The following TRAPPC9 variants were observed in gnomAD, a reference collection of about 807,000 sequenced individuals.
The protein encoded by TRAPPC9 is trafficking protein particle complex subunit 9, also known as IKK2 binding protein.
TRAPPC9 carries 83 observed loss-of-function variants against 124.0 expected under a neutral mutation model. That is an observed-to-expected ratio of 0.67 (90% CI 0.56 to 0.80). TRAPPC9 has a LOEUF of 0.80. TRAPPC9 is among the 30% of genes least tolerant of loss of function. The pLI is 0.00. For missense variants in TRAPPC9, 1,302 were observed against 1,508.3 expected (o/e 0.86, Z 2.27); for synonymous variants, 638 against 617.5 (o/e 1.03, Z -0.49).
At chr8:140,024,793 C>T (rs1027491192) in intron 17 of TRAPPC9, among the ~76,000 whole-genome samples, 6 of 151,030 alleles carry the variant, frequency 4.0e-5, no homozygotes, top group Non-Finnish European at 8.8e-5. Context: ...AAACACATTT[C>T]TATGAGCATC....
chr8:140,145,819 C>A (rs1415819637), intron 17 of TRAPPC9, among the ~76,000 whole-genome samples: 1 of 151,688 alleles, frequency 6.6e-6, no homozygotes, highest in Non-Finnish European at 1.5e-5. Context: ...TTTCATGAAA[C>A]GTTTACCTCA....
chr8:139,925,817 A>C (rs1427789371), intron 19 of TRAPPC9, among the ~76,000 whole-genome samples: 1 of 92,070 alleles, frequency 1.1e-5, no homozygotes, highest in East Asian at 3.3e-4. Context: ...ACGCACACGC[A>C]CACGCACACG....
intron 21 of TRAPPC9, among the ~76,000 whole-genome samples, chr8:139,861,113 G>A (rs1017177032): frequency 5.9e-5 from 9 of 152,244 alleles, no homozygotes; most frequent in African/African-American, 1.4e-4. Context: ...CCCTGCTGCC[G>A]CAAAGAAATA....
intron 21 of TRAPPC9, among the ~76,000 whole-genome samples, chr8:139,878,464 G>T (rs757697708): frequency 6.7e-6 from 1 of 148,432 alleles, no homozygotes; most frequent in Non-Finnish European, 1.5e-5. Flanking sequence ...GCCGGAGGTT[G>T]AGATTCTGGT....
At chr8:140,279,901 T>G (rs1203396639) in intron 14 of TRAPPC9, among the ~76,000 whole-genome samples, 1 of 152,198 alleles carries the variant, frequency 6.6e-6, no homozygotes, top group African/African-American at 2.4e-5. Flanking sequence ...CTCAAGTTAT[T>G]TTTCCTTTTT....
At chr8:139,976,345 G>A (rs898924141) in intron 19 of TRAPPC9, among the ~76,000 whole-genome samples, 2 of 152,154 alleles carry the variant, frequency 1.3e-5, no homozygotes, top group East Asian at 1.9e-4. Flanking sequence ...AAACAACATA[G>A]GAGAACATAT....
intron 17 of TRAPPC9, among the ~76,000 whole-genome samples, chr8:140,073,516 C>G: frequency 6.6e-6 from 1 of 152,158 alleles, no homozygotes; most frequent in East Asian, 1.9e-4. Flanking sequence ...AACATCAGAA[C>G]TGAGGACACC....
At chr8:140,082,292 T>C (rs1327095129) in intron 17 of TRAPPC9, 1 of 151,768 alleles carries the variant, frequency 6.6e-6, no homozygotes, top group Admixed American at 6.6e-5. Context: ...GAACCTGAAA[T>C]ATAACATTAG....
intron 18 of TRAPPC9, among the ~76,000 whole-genome samples, chr8:140,013,410 C>T (rs887309198): frequency 6.6e-6 from 1 of 152,242 alleles, no homozygotes; most frequent in South Asian, 2.1e-4. Flanking sequence ...GGTCCTCCGG[C>T]TGGTCAACGC....
intron 11 of TRAPPC9, among the ~76,000 whole-genome samples, chr8:140,297,415 A>G (rs750967732): frequency 2.0e-5 from 3 of 152,172 alleles, no homozygotes; most frequent in Non-Finnish European, 4.4e-5. Flanking sequence ...GCATACACAT[A>G]TACACACGCA....
chr8:140,389,636 T>C (rs2068865120), intron 7 of TRAPPC9, among the ~76,000 whole-genome samples: 1 of 152,200 alleles, frequency 6.6e-6, no homozygotes, highest in Non-Finnish European at 1.5e-5. Flanking sequence ...AGAATCTGCA[T>C]GCATTACCAA....
chr8:140,010,396 A>G (rs1452057630), intron 18 of TRAPPC9, among the ~76,000 whole-genome samples: 1 of 152,220 alleles, frequency 6.6e-6, no homozygotes, highest in Non-Finnish European at 1.5e-5. Context: ...AATTTTACTA[A>G]AAATGTTCGC....
intron 19 of TRAPPC9, among the ~76,000 whole-genome samples, chr8:139,928,301 G>A (rs1162357449): frequency 1.3e-5 from 2 of 152,170 alleles, no homozygotes; most frequent in East Asian, 3.9e-4. Context: ...AGACTAGCCT[G>A]GCCAACATGG....
At position 139,755,254 on chromosome 8, in the gene TRAPPC9, G is replaced by C. The variant is rs998222196; in HGVS notation, c.3056-23052C>G. Among the ~76,000 whole-genome samples, 6 of 152,380 alleles carry C rather than the reference G, an allele frequency of 3.9e-5. No homozygotes were observed. In the East Asian group the frequency reaches 5.8e-4, roughly 15 times the overall value. On this transcript the variant is annotated intron_variant, in intron 21 of 22. Coordinates refer to ENST00000438773, the MANE Select transcript of TRAPPC9 (RefSeq NM_001160372.4). ...GCAGGACAGACCTGTGGAGAAGCCAGCCAGGGTTTGGGGATGAGGACAGCG... is the reference window on the plus strand; with the variant it reads ...GCAGGACAGACCTGTGGAGAAGCCACCCAGGGTTTGGGGATGAGGACAGCG...
intron 10 of TRAPPC9, among the ~76,000 whole-genome samples, chr8:140,310,778 A>G (rs1159669225): frequency 1.3e-5 from 2 of 152,078 alleles, no homozygotes; most frequent in African/African-American, 2.4e-5. Flanking sequence ...TGAAGCCAGG[A>G]GAGGAGAGAG....
chr8:140,031,068 C>G (rs1490872249), intron 17 of TRAPPC9, among the ~76,000 whole-genome samples: 1 of 152,132 alleles, frequency 6.6e-6, no homozygotes, highest in Non-Finnish European at 1.5e-5. Context: ...TACAATCACT[C>G]GTAAACATTA....
intron 9 of TRAPPC9, among the ~76,000 whole-genome samples, chr8:140,322,327 C>A (rs2066617264): frequency 6.6e-6 from 1 of 152,174 alleles, no homozygotes; most frequent in Non-Finnish European, 1.5e-5. Flanking sequence ...AGAGCTAGGA[C>A]CAAGGCTACA....
At chr8:140,440,886 T>C (rs1338692651) in intron 2 of TRAPPC9, among the ~76,000 whole-genome samples, 6 of 151,828 alleles carry the variant, frequency 4.0e-5, no homozygotes, top group Non-Finnish European at 5.9e-5. Context: ...CTCATCTCAA[T>C]GACCAGGTTC....
chr8:140,289,982 C>T (rs113755262), intron 12 of TRAPPC9, among the ~76,000 whole-genome samples: 4,152 of 152,290 alleles, frequency 0.027, 202 homozygotes, highest in African/African-American at 0.093. Flanking sequence ...CACGTGTCCA[C>T]CTGGCAAACT....
Sources: allele counts gnomAD v4.1 joint callset (sites outside exome capture counted in the v4.1 genomes callset), GRCh38; gene constraint gnomAD v4.1.1; transcripts MANE v1.5; gene names NCBI Gene and HGNC (gene_info 2026-07-23, HGNC 2026-07-21).